GPC5: variants seen among roughly 807,000 people sequenced by gnomAD.
GPC5 encodes glypican-5.
A neutral mutation model predicts 53.9 loss-of-function variants in GPC5; 47 were observed. The observed-to-expected ratio is 0.87, with a 90% CI of 0.69 to 1.11. The LOEUF (loss-of-function observed/expected upper bound fraction) is 1.11, where lower values mean the gene tolerates loss of function less well. Ranked by LOEUF, GPC5 falls within the 50% of genes most tolerant of loss-of-function variation. The pLI, the probability that GPC5 is intolerant of heterozygous loss-of-function variation, is 0.00. For synonymous variants in GPC5, 286 were observed against 263.3 expected (o/e 1.09, Z -0.84); for missense variants, 748 against 713.1 (o/e 1.05, Z -0.56).
intron 2 of GPC5, among the ~76,000 whole-genome samples, chr13:91,619,962 G>A (rs986024640): frequency 6.6e-6 from 1 of 152,134 alleles, no homozygotes; most frequent in South Asian, 2.1e-4. Context: ...CCCTGAGTGA[G>A]TTATTTCTTT....
At chr13:92,564,344 A>G (rs1418231075) in intron 7 of GPC5, among the ~76,000 whole-genome samples, 2 of 152,026 alleles carry the variant, frequency 1.3e-5, no homozygotes, top group Non-Finnish European at 2.9e-5. Context: ...AAATTATACA[A>G]TTGGAGTTTT....
intron 7 of GPC5, among the ~76,000 whole-genome samples, chr13:92,563,936 T>C (rs559005505): frequency 6.6e-6 from 1 of 151,980 alleles, no homozygotes; most frequent in Non-Finnish European, 1.5e-5. Flanking sequence ...ATCTTCATCA[T>C]CATCCATTAA....
At chr13:92,255,689 A>G (rs2042721886) in intron 7 of GPC5, among the ~76,000 whole-genome samples, 1 of 152,112 alleles carries the variant, frequency 6.6e-6, no homozygotes, top group Non-Finnish European at 1.5e-5. Flanking sequence ...CTCTTAGTAG[A>G]TTTCTGAATA....
At chr13:92,039,376 T>G (rs76085391) in intron 6 of GPC5, among the ~76,000 whole-genome samples, 5,820 of 152,308 alleles carry the variant, frequency 0.038, 153 homozygotes, top group Middle Eastern at 0.054. Context: ...TTCTATAACG[T>G]TGGGATCGGG....
intron 6 of GPC5, among the ~76,000 whole-genome samples, chr13:91,999,572 A>C (rs2040536158): frequency 6.6e-6 from 1 of 152,130 alleles, no homozygotes. Context: ...TTAGATACAG[A>C]CTCAAACCTT....
chr13:91,527,669 G>T (rs746483512), intron 2 of GPC5, among the ~76,000 whole-genome samples: 1 of 152,204 alleles, frequency 6.6e-6, no homozygotes, highest in Non-Finnish European at 1.5e-5. Flanking sequence ...CCTCTGTACT[G>T]CCCTAATAGA....
chr13:92,863,641 G>A (rs913858981), intron 7 of GPC5, among the ~76,000 whole-genome samples: 2 of 151,996 alleles, frequency 1.3e-5, no homozygotes, highest in African/African-American at 2.4e-5. Flanking sequence ...TTACAGGCAC[G>A]CACCACCACA....
At chr13:92,052,777 G>A (rs779275432) in intron 6 of GPC5, among the ~76,000 whole-genome samples, 1 of 152,174 alleles carries the variant, frequency 6.6e-6, no homozygotes, top group African/African-American at 2.4e-5. Flanking sequence ...AGTAGAAAGA[G>A]CCAAGTTATA....
At chr13:91,916,994 C>T (rs1458994013) in intron 6 of GPC5, among the ~76,000 whole-genome samples, 1 of 152,198 alleles carries the variant, frequency 6.6e-6, no homozygotes, top group Non-Finnish European at 1.5e-5. Flanking sequence ...CAAGTCCTCA[C>T]ATTTCAAAAC....
chr13:92,317,569 C>T (rs1171160740), intron 7 of GPC5, among the ~76,000 whole-genome samples: 1 of 152,126 alleles, frequency 6.6e-6, no homozygotes, highest in Non-Finnish European at 1.5e-5. Flanking sequence ...TCCTGGCTTA[C>T]GGCAACCTCA....
At chr13:92,644,877 G>A (rs1255990293) in intron 7 of GPC5, among the ~76,000 whole-genome samples, 1 of 89,132 alleles carries the variant, frequency 1.1e-5, no homozygotes, top group Non-Finnish European at 3.6e-5. Context: ...CACAGATACT[G>A]TAAAAAAAAA....
intron 7 of GPC5, among the ~76,000 whole-genome samples, chr13:92,685,087 C>CTATTTATTTATCTATT (rs1555302807): frequency 1.3e-5 from 2 of 150,520 alleles, no homozygotes; most frequent in African/African-American, 4.9e-5. Flanking sequence ...TCCAGTAGTT[C>CTATTTATTTATCTATT]TATTTATTTA....
At chr13:92,178,245 G>T (rs1246215741) in intron 7 of GPC5, among the ~76,000 whole-genome samples, 2 of 152,016 alleles carry the variant, frequency 1.3e-5, no homozygotes, top group Admixed American at 6.6e-5. Context: ...ATTCAAATTG[G>T]CAGTAGTCAA....
At chr13:92,662,730 A>G (rs1019149206) in intron 7 of GPC5, among the ~76,000 whole-genome samples, 2 of 152,192 alleles carry the variant, frequency 1.3e-5, no homozygotes, top group African/African-American at 4.8e-5. Context: ...GATACTCACC[A>G]AAGTCCCAGA....
chr13:92,843,943 C>T (rs1414051869), intron 7 of GPC5, among the ~76,000 whole-genome samples: 1 of 151,386 alleles, frequency 6.6e-6, no homozygotes, highest in Non-Finnish European at 1.5e-5. Context: ...TTTACCCAGC[C>T]ACCCTTTGCC....
intron 7 of GPC5, among the ~76,000 whole-genome samples, chr13:92,166,943 C>CTCTCTCTCTCTA (rs1281642812): frequency 3.2e-4 from 36 of 112,152 alleles, no homozygotes; most frequent in Admixed American, 1.3e-3. Flanking sequence ...CTCTCTCTCT[C>CTCTCTCTCTCTA]TCTCTCTCTC....
intron 7 of GPC5, among the ~76,000 whole-genome samples, chr13:92,288,198 A>G (rs942929612): frequency 1.3e-5 from 2 of 151,878 alleles, no homozygotes; most frequent in African/African-American, 4.8e-5. Flanking sequence ...CATATATTTG[A>G]TCATATTTAA....
chr13:92,653,067 C>G (rs1298913370), intron 7 of GPC5, among the ~76,000 whole-genome samples: 1 of 152,060 alleles, frequency 6.6e-6, no homozygotes, highest in Non-Finnish European at 1.5e-5. Flanking sequence ...TAGGACTCAC[C>G]AACACTGGAG....
At chr13:91,426,601 G>A (rs1879072928) in intron 1 of GPC5, among the ~76,000 whole-genome samples, 1 of 152,152 alleles carries the variant, frequency 6.6e-6, no homozygotes, top group African/African-American at 2.4e-5. Flanking sequence ...AATCACTGGT[G>A]TAGGTTCAAG....
Sources: gnomAD v4.1 joint callset for allele counts (sites outside exome capture counted in the v4.1 genomes callset) on GRCh38, gnomAD v4.1.1 for gene constraint, MANE v1.5 for transcripts, NCBI Gene and HGNC (gene_info 2026-07-23, HGNC 2026-07-21) for gene names.